The following DPP6 variants were observed in gnomAD, a reference collection of about 807,000 sequenced individuals.
DPP6 encodes the protein A-type potassium channel modulatory protein DPP6.
A neutral mutation model predicts 122.6 loss-of-function variants in DPP6; 69 were observed. That is an observed-to-expected ratio of 0.56 (90% CI 0.46 to 0.69). The LOEUF (loss-of-function observed/expected upper bound fraction) is 0.69, where lower values mean the gene tolerates loss of function less well. Among genes scored for constraint, DPP6 ranks in the 30% least tolerant of loss-of-function variants. DPP6 has a pLI of 0.00. For synonymous variants in DPP6, 418 were observed against 433.1 expected (o/e 0.97, Z 0.43); for missense variants, 928 against 1,116.9 (o/e 0.83, Z 2.41).
chr7:154,694,252 T>C (rs980447904), intron 7 of DPP6, among the ~76,000 whole-genome samples: 4 of 152,072 alleles, frequency 2.6e-5, no homozygotes, highest in African/African-American at 9.7e-5. Flanking sequence ...TACCATCCCA[T>C]TGGGGGTGGG....
At chr7:154,520,993 T>C (rs1310464640) in intron 3 of DPP6, among the ~76,000 whole-genome samples, 1 of 152,212 alleles carries the variant, frequency 6.6e-6, no homozygotes, top group Non-Finnish European at 1.5e-5. Context: ...GTCTTAAATT[T>C]TTTTGACACC....
chr7:154,326,467 AT>A (rs1030189424), intron 1 of DPP6, among the ~76,000 whole-genome samples: 2 of 152,204 alleles, frequency 1.3e-5, no homozygotes, highest in Non-Finnish European at 2.9e-5. Flanking sequence ...TGAACCTATG[AT>A]TTAAGAAATG....
intron 1 of DPP6, among the ~76,000 whole-genome samples, chr7:154,017,225 G>C (rs1798464730): frequency 6.6e-6 from 1 of 152,204 alleles, no homozygotes. Flanking sequence ...TGCCCACCAA[G>C]CCCAGCTAAT....
chr7:154,863,519 A>AT lies in DPP6; in HGVS notation c.1715-4469dup, dbSNP rs549354485. On this transcript the variant is annotated intron_variant, in intron 17 of 25. Transcript: ENST00000377770. The surrounding 1 kb of genome is among the most constrained non-coding windows in gnomAD (Gnocchi z 4.1). ...CACAGGTGTGTGCCACCATGCCTGGATTTTTTTATGTTTATATTTTGTAGA... is the reference window on the plus strand; with the variant it reads ...CACAGGTGTGTGCCACCATGCCTGGATTTTTTTTATGTTTATATTTTGTAGA... Among the ~76,000 whole-genome samples, 35 of 151,728 alleles carry AT rather than the reference A, an allele frequency of 2.3e-4. No individual in the cohort carries two copies. In the South Asian group the frequency reaches 7.1e-3, roughly 31 times the overall value.
intron 5 of DPP6, among the ~76,000 whole-genome samples, chr7:154,589,034 G>A (rs1239354258): frequency 6.6e-6 from 1 of 152,114 alleles, no homozygotes; most frequent in African/African-American, 2.4e-5. Context: ...TTCATTGAGA[G>A]GTGTAGTTGA....
rs893323188 is a variant in DPP6, at chr7:154,710,185, G to A, written c.763-17582G>A. ...AGTGGGTGTGGAATCTTCCCTGCCCGATGCCTCTCAGGAGCCAGGGGCATG... is the reference window on the plus strand; with the variant it reads ...AGTGGGTGTGGAATCTTCCCTGCCCAATGCCTCTCAGGAGCCAGGGGCATG... On this transcript the variant is annotated intron_variant, in intron 7 of 25. Transcript: ENST00000377770. Among the ~76,000 whole-genome samples the A allele has an allele frequency of 5.3e-5, 8 of 152,200 alleles. No homozygotes were observed. In the East Asian group the frequency reaches 1.5e-3, roughly 29 times the overall value.
intron 16 of DPP6, among the ~76,000 whole-genome samples, chr7:154,846,654 A>G (rs781057583): frequency 2.6e-5 from 4 of 152,254 alleles, no homozygotes; most frequent in Non-Finnish European, 5.9e-5. Flanking sequence ...TATATGTAAG[A>G]GGTTTTTCAG....
intron 4 of DPP6, among the ~76,000 whole-genome samples, chr7:154,566,256 G>T (rs73483858): frequency 6.6e-6 from 1 of 151,978 alleles, no homozygotes; most frequent in African/African-American, 2.4e-5. Context: ...GCTTTTTAAC[G>T]CTTATTTCTT....
At chr7:153,929,168 A>G (rs1801059596) in intron 1 of DPP6, among the ~76,000 whole-genome samples, 1 of 152,170 alleles carries the variant, frequency 6.6e-6, no homozygotes, top group Non-Finnish European at 1.5e-5. Context: ...CAAGGGCTGA[A>G]GCAGGGACAC....
chr7:154,165,521 T>G (rs1415533581), intron 1 of DPP6, among the ~76,000 whole-genome samples: 3 of 151,262 alleles, frequency 2.0e-5, no homozygotes, highest in Non-Finnish European at 4.4e-5. Context: ...GGTATATACC[T>G]AGTAATGGGA....
At chr7:153,876,118 T>C in the DPP6 span, among the ~76,000 whole-genome samples, 3 of 152,032 alleles carry the variant, frequency 2.0e-5, no homozygotes, top group Non-Finnish European at 2.9e-5. Context: ...TAGACTGGTA[T>C]GCACCTAATA....
rs541420862 is a variant in DPP6, at chr7:153,922,675, T to C, written c.51+34941T>C. ...GGAGTAATTTTTCTTTATAAAGTGG[T>C]CCATAAAACAGTGTTACATATTACA... On this transcript the variant is annotated intron_variant, in intron 1 of 25. Transcript: ENST00000404039. Among the ~76,000 whole-genome samples the C allele has an allele frequency of 3.3e-5, 5 of 152,324 alleles. No homozygotes were observed. In the South Asian group the frequency reaches 1.0e-3, roughly 32 times the overall value.
chr7:154,333,394 A>G (rs969244859), intron 1 of DPP6, among the ~76,000 whole-genome samples: 9 of 152,224 alleles, frequency 5.9e-5, no homozygotes, highest in Admixed American at 2.6e-4. Context: ...TCTTGCCAAT[A>G]TAGCAACATA....
At position 154,663,965 on chromosome 7, in the gene DPP6, G is replaced by C. The variant is rs571752148; in HGVS notation, c.681-5395G>C. 1.4e-4 allele frequency among the ~76,000 whole-genome samples: 13 copies of C among 91,436 alleles called. 1 individual carries two copies. The highest frequency in any genetic ancestry group is 3.5e-4 in the African/African-American group (11 of 31,192). The allele number at this position is 91,436 out of a possible 152,430, so 60.0% of individuals were successfully genotyped here. On this transcript the variant is annotated intron_variant, in intron 6 of 25. Coordinates refer to ENST00000377770, the MANE Select transcript of DPP6 (RefSeq NM_130797.4). ...AGATGAATCACCATGGCGTATTGGC[G>C]CTAGTATTCATATAGTCATGATGAA...
chr7:154,303,315 G>C (rs1320431817), intron 1 of DPP6, among the ~76,000 whole-genome samples: 1 of 152,164 alleles, frequency 6.6e-6, no homozygotes, highest in Non-Finnish European at 1.5e-5. Context: ...TGAGGGGAGA[G>C]TGACTGCCCA....
At chr7:154,238,545 T>C (rs867731084) in intron 1 of DPP6, among the ~76,000 whole-genome samples, 2 of 152,280 alleles carry the variant, frequency 1.3e-5, no homozygotes, top group Middle Eastern at 3.4e-3. Flanking sequence ...AGCAGCACTA[T>C]TGTTCCCATG....
chr7:153,879,492 C>A, the DPP6 span, among the ~76,000 whole-genome samples: 236 of 152,264 alleles, frequency 1.5e-3, 1 homozygote, highest in African/African-American at 5.4e-3. Context: ...TAGGTTCAAG[C>A]AATTCTCCTG....
the DPP6 span, among the ~76,000 whole-genome samples, chr7:153,769,544 G>A: frequency 1.3e-5 from 2 of 152,184 alleles, no homozygotes; most frequent in African/African-American, 2.4e-5. Flanking sequence ...AGTAAAGACA[G>A]TAGGGAGCTG....
chr7:154,053,686 AG>A (rs1359370063), intron 1 of DPP6, among the ~76,000 whole-genome samples: 1 of 151,508 alleles, frequency 6.6e-6, no homozygotes, highest in Non-Finnish European at 1.5e-5. Context: ...CCTCTGTCCC[AG>A]GGCCCAGCTC....
Sources: gnomAD v4.1 joint callset for allele counts (sites outside exome capture counted in the v4.1 genomes callset) on GRCh38, gnomAD v4.1.1 for gene constraint, Gnocchi (gnomAD v3.1) non-coding constraint, MANE v1.5 for transcripts, NCBI Gene and HGNC (gene_info 2026-07-23, HGNC 2026-07-21) for gene names.